The following PDE7A variants were observed in gnomAD, a reference collection of about 807,000 sequenced individuals.
PDE7A encodes high affinity 3',5'-cyclic-AMP phosphodiesterase 7A.
A neutral mutation model predicts 64.3 loss-of-function variants in PDE7A; 39 were observed. That is an observed-to-expected ratio of 0.61 (90% CI 0.47 to 0.79). PDE7A has a LOEUF of 0.79. Ranked by LOEUF, PDE7A falls within the 30% of genes least tolerant of loss-of-function variation. The pLI, the probability that PDE7A is intolerant of heterozygous loss-of-function variation, is 0.00. For synonymous variants in PDE7A, 203 were observed against 206.8 expected (o/e 0.98, Z 0.16); for missense variants, 470 against 582.8 (o/e 0.81, Z 1.99).
At chr8:65,826,333 A>G (rs889002023) in intron 1 of PDE7A, among the ~76,000 whole-genome samples, 23 of 152,236 alleles carry the variant, frequency 1.5e-4, no homozygotes, top group African/African-American at 4.8e-4. Context: ...AGCCGGCTAA[A>G]TATGCTTTGA....
intron 8 of PDE7A, 50 bp downstream of exon 8, chr8:65,727,120 A>T: frequency 8.3e-7 from 1 of 1,210,412 alleles, no homozygotes; most frequent in Non-Finnish European, 1.2e-6. Flanking sequence ...AATATGAAAG[A>T]TTTTCTAGAA....
intron 1 of PDE7A, among the ~76,000 whole-genome samples, chr8:65,829,519 G>T (rs1256621464): frequency 6.6e-6 from 1 of 152,080 alleles, no homozygotes; most frequent in East Asian, 1.9e-4. Context: ...GACGGCAACT[G>T]AAAGAATTCC....
Position 65,730,171 on chromosome 8 carries a change from C to CTTCTTTTTTTTTTTTTT in PDE7A, c.697-2871_697-2870insAAAAAAAAAAAAAAGAA, listed in dbSNP as rs1295965698. On this transcript the variant is annotated intron_variant, in intron 7 of 12. Transcript: ENST00000401827. ...TGTGAGGGATCCAGGTTGCGCACTT[C>CTTCTTTTTTTTTTTTTT]TTTTTTTTTTTTTTTTTTTTTTTTT... Among the ~76,000 whole-genome samples, 97 of 86,448 alleles carry CTTCTTTTTTTTTTTTTT rather than the reference C, an allele frequency of 1.1e-3. 10 individuals are homozygous for CTTCTTTTTTTTTTTTTT. The highest frequency in any genetic ancestry group is 3.9e-3 in the African/African-American group (82 of 20,938). The allele number at this position is 86,448 out of a possible 152,430, so 56.7% of individuals were successfully genotyped here. A position where few individuals can be genotyped will look rare whatever the true frequency, so the allele number is the denominator to read the frequency against.
chr8:65,841,322 G>T (rs775348834), intron 1 of PDE7A, 49 bp downstream of exon 1: 1 of 1,449,552 alleles, frequency 6.9e-7, no homozygotes, highest in South Asian at 1.4e-5. Context: ...TGGGCAGAGG[G>T]AAACAAAAGA....
chr8:65,779,847 T>C, intron 2 of PDE7A, 44 bp from the exon 3 acceptor site: 1 of 1,283,736 alleles, frequency 7.8e-7, no homozygotes, highest in Non-Finnish European at 1.1e-6. Flanking sequence ...AAGGTTGTCA[T>C]TCGGGAAGAA....
intron 3 of PDE7A, among the ~76,000 whole-genome samples, chr8:65,749,756 C>G (rs937971226): frequency 3.9e-5 from 6 of 152,104 alleles, no homozygotes; most frequent in African/African-American, 1.4e-4. Context: ...TAGGGTGACA[C>G]CTGGATTAAA....
intron 6 of PDE7A, among the ~76,000 whole-genome samples, chr8:65,737,059 G>C (rs999147722): frequency 6.6e-5 from 10 of 151,834 alleles, no homozygotes; most frequent in Non-Finnish European, 8.8e-5. Flanking sequence ...AGTGAGCCAT[G>C]ATCATGCCAC....
chr8:65,733,936 A>C (rs183204385), intron 7 of PDE7A, among the ~76,000 whole-genome samples: 1 of 152,334 alleles, frequency 6.6e-6, no homozygotes, highest in East Asian at 1.9e-4. Flanking sequence ...ATAGGCAGAC[A>C]TAATTGCAGA....
At chr8:65,762,574 T>C (rs568243361) in intron 3 of PDE7A, among the ~76,000 whole-genome samples, 279 of 152,298 alleles carry the variant, frequency 1.8e-3, no homozygotes, top group Non-Finnish European at 2.9e-3. Flanking sequence ...ATCTGTAAAA[T>C]AGGCCCCACA....
chr8:65,776,602 A>G (rs910277780), intron 3 of PDE7A, among the ~76,000 whole-genome samples: 1 of 152,194 alleles, frequency 6.6e-6, no homozygotes, highest in African/African-American at 2.4e-5. Context: ...ACAGTTTTCT[A>G]TGTAGAGTTA....
intron 1 of PDE7A, among the ~76,000 whole-genome samples, chr8:65,784,057 T>A (rs1171828498): frequency 1.3e-5 from 2 of 151,674 alleles, no homozygotes; most frequent in African/African-American, 4.8e-5. Flanking sequence ...GTTTAAGTAG[T>A]AATAGGCCAG....
rs1411698469 is a variant in PDE7A, at chr8:65,809,328, T to C, written c.139-26485A>G. On this transcript the variant is annotated intron_variant, in intron 1 of 12. Coordinates refer to ENST00000401827, the MANE Select transcript of PDE7A (RefSeq NM_001242318.3). ...CAGCTTTATAATCAGGAAGTTATGATGCCAGTTTTTCTGGTAACAGGTTAA... is the reference window on the plus strand; with the variant it reads ...CAGCTTTATAATCAGGAAGTTATGACGCCAGTTTTTCTGGTAACAGGTTAA... Among the ~76,000 whole-genome samples the C allele has an allele frequency of 3.3e-5, 5 of 152,372 alleles. No homozygotes were observed. The East Asian group carries it at 9.6e-4, about 29-fold the overall frequency.
chr8:65,841,524 T>A lies in PDE7A; in HGVS notation c.-16A>T, dbSNP rs775170644. Reference sequence around the variant, plus strand: ...ACACTTCCATTGAATACGCCCGCCCTGCCTCCGCGCGGCGCCCGCCCTGCC... The same window carrying A: ...ACACTTCCATTGAATACGCCCGCCCAGCCTCCGCGCGGCGCCCGCCCTGCC... On this transcript the variant is annotated 5_prime_UTR_variant, in exon 1 of 13. Coordinates refer to ENST00000401827, the MANE Select transcript of PDE7A (RefSeq NM_001242318.3). 8.9e-6 allele frequency: 13 copies of A among 1,452,654 alleles called. No individual in the cohort carries two copies. The highest frequency in any genetic ancestry group is 2.4e-4 in the Middle Eastern group (1 of 4,090). The allele number at this position is 1,452,654 out of a possible 1,614,324, so 90.0% of individuals were successfully genotyped here. A position where few individuals can be genotyped will look rare whatever the true frequency, so the allele number is the denominator to read the frequency against.
At chr8:65,803,029 CCT>C (rs1810032488) in intron 1 of PDE7A, among the ~76,000 whole-genome samples, 1 of 152,190 alleles carries the variant, frequency 6.6e-6, no homozygotes, top group African/African-American at 2.4e-5. Context: ...TTGAAAGCTC[CCT>C]GAGGCTTCAC....
chr8:65,767,217 G>C (rs1169681221), intron 3 of PDE7A, among the ~76,000 whole-genome samples: 2 of 152,152 alleles, frequency 1.3e-5, no homozygotes, highest in East Asian at 3.8e-4. Context: ...TAAACATGAA[G>C]CATGAACCTC....
intron 1 of PDE7A, among the ~76,000 whole-genome samples, chr8:65,817,260 CTAAT>C (rs569031738): frequency 4.1e-4 from 63 of 152,278 alleles, no homozygotes; most frequent in African/African-American, 1.4e-3. Flanking sequence ...TCTCCTAATG[CTAAT>C]TAATATCTTA....
intron 1 of PDE7A, among the ~76,000 whole-genome samples, chr8:65,833,030 T>C (rs528928034): frequency 3.9e-5 from 6 of 152,348 alleles, no homozygotes; most frequent in African/African-American, 1.2e-4. Flanking sequence ...TAAACTTATA[T>C]CTTCTCCAAA....
In PDE7A at chr8:65,726,923, C is replaced by T; in HGVS notation, c.872G>A (p.Gly291Asp). Reference protein sequence around the residue: ...LENHHWRSAVGLLRESGLFSH... With the variant: ...LENHHWRSAVDLLRESGLFSH... ...GAATAAGCCTGATTCTCTCAATAAG[C>T]CCACTGCAGATCTCCAGTGGTGATT... The change falls in exon 9 of 13, where the codon GGC (glycine) becomes GAC (aspartate). Residue 291 changes from glycine to aspartate, a missense_variant. Transcript: ENST00000401827. The T allele has an allele frequency of 6.2e-7, 1 of 1,609,228 alleles. No individual in the cohort carries two copies. Among genetic ancestry groups the T allele is most frequent in the South Asian group, 1.1e-5 (1 of 90,854 alleles).
chr8:65,798,206 A>ATATATATATATATATATTTTTTTTTT, intron 1 of PDE7A, among the ~76,000 whole-genome samples: 1 of 73,834 alleles, frequency 1.4e-5, no homozygotes, highest in African/African-American at 5.8e-5. Flanking sequence ...ATATATATAT[A>ATATATATATATATATATTTTTTTTTT]TTTTTTTTTT....
Sources: allele counts gnomAD v4.1 joint callset (sites outside exome capture counted in the v4.1 genomes callset), GRCh38; gene constraint gnomAD v4.1.1; transcripts MANE v1.5; gene names NCBI Gene and HGNC (gene_info 2026-07-23, HGNC 2026-07-21).